KIF6: variants seen among roughly 807,000 people sequenced by gnomAD.
KIF6 encodes the protein kinesin family member 6.
In KIF6, 106 loss-of-function variants were observed where a neutral mutation model predicts 112.7. The observed-to-expected ratio is 0.94, with a 90% CI of 0.80 to 1.11. The LOEUF is 1.11. KIF6 is among the 50% of genes least tolerant of loss of function. KIF6 has a pLI of 0.00. For missense variants in KIF6, 929 were observed against 964.0 expected (o/e 0.96, Z 0.48); for synonymous variants, 339 against 339.9 (o/e 1.00, Z 0.03).
chr6:39,605,178 G>A (rs1171957246), intron 6 of KIF6, among the ~76,000 whole-genome samples: 2 of 152,114 alleles, frequency 1.3e-5, no homozygotes, highest in African/African-American at 2.4e-5. Flanking sequence ...AACCCAAAAT[G>A]TCTGCCCAAC....
chr6:39,631,889 G>A (rs1422823554), intron 5 of KIF6, among the ~76,000 whole-genome samples: 1 of 151,844 alleles, frequency 6.6e-6, no homozygotes, highest in Non-Finnish European at 1.5e-5. Flanking sequence ...AACCATCTAG[G>A]CCTAAAGATT....
chr6:39,426,807 C>G (rs1011627745), intron 14 of KIF6, among the ~76,000 whole-genome samples: 1 of 152,108 alleles, frequency 6.6e-6, no homozygotes, highest in Non-Finnish European at 1.5e-5. Flanking sequence ...ACTGTCCCCT[C>G]CTGCAACTCT....
chr6:39,706,102 C>T (rs149733628), intron 3 of KIF6, among the ~76,000 whole-genome samples: 2 of 152,304 alleles, frequency 1.3e-5, no homozygotes, highest in Non-Finnish European at 2.9e-5. Flanking sequence ...GTAATTTTCA[C>T]CCCTTGCATA....
rs1562102407 is a variant in KIF6 at position 39,337,165 on chromosome 6, TTCC to T, written c.2429-620_2429-618del. Among the ~76,000 whole-genome samples the T allele has an allele frequency of 6.8e-4, 47 of 68,800 alleles. 2 individuals carry two copies. The highest frequency in any genetic ancestry group is 4.1e-3 in the Admixed American group (32 of 7,788). The allele number at this position is 68,800 out of a possible 152,430, so 45.1% of individuals were successfully genotyped here. ...CTTCCTTTCTCTTTCTTTTCTTTCT[TTCC>T]TTCCTTCTTTCTTTCTTTCTTTCTT... On this transcript the variant is annotated intron_variant, in intron 22 of 22. Coordinates refer to ENST00000287152, the MANE Select transcript of KIF6 (RefSeq NM_145027.6).
intron 13 of KIF6, among the ~76,000 whole-genome samples, chr6:39,510,872 C>CAAAAAAAAAAAAAAAAA (rs1180631310): frequency 8.4e-5 from 2 of 23,868 alleles, no homozygotes; most frequent in Non-Finnish European, 1.5e-4. Flanking sequence ...AAATGGGAAG[C>CAAAAAAAAAAAAAAAAA]AAAAAAAAAA....
chr6:39,407,360 C>T (rs1769165415), intron 15 of KIF6, among the ~76,000 whole-genome samples: 1 of 152,128 alleles, frequency 6.6e-6, no homozygotes, highest in South Asian at 2.1e-4. Context: ...TATTAAGATG[C>T]CCCTTGATGT....
chr6:39,566,753 C>A (rs758415431), intron 10 of KIF6, among the ~76,000 whole-genome samples: 1 of 152,016 alleles, frequency 6.6e-6, no homozygotes, highest in Non-Finnish European at 1.5e-5. Context: ...TTGGTATATG[C>A]CAAGGGAGAA....
chr6:39,576,249 C>T lies in KIF6; in HGVS notation c.1181+1807G>A, dbSNP rs574278980. 7.2e-5 allele frequency among the ~76,000 whole-genome samples: 11 copies of T among 152,026 alleles called. 1 individual carries two copies. Among genetic ancestry groups the T allele is most frequent in the African/African-American group, 1.4e-4 (6 of 41,474 alleles). On this transcript the variant is annotated intron_variant, in intron 10 of 22. Coordinates refer to ENST00000287152, the MANE Select transcript of KIF6 (RefSeq NM_145027.6). ...AAGCGATTCTCCTGCCTCAGCCTCC[C>T]GAGTAGCTGGGATTACAGGCATGCA...
intron 3 of KIF6, chr6:39,691,301 C>T (rs978214141): frequency 9.2e-5 from 14 of 152,246 alleles, no homozygotes; most frequent in African/African-American, 3.1e-4. Flanking sequence ...GGAAAAGCTC[C>T]CTTATGATAA....
At chr6:39,549,258 G>T (rs775324554) in intron 10 of KIF6, among the ~76,000 whole-genome samples, 6 of 151,224 alleles carry the variant, frequency 4.0e-5, no homozygotes, top group Non-Finnish European at 7.4e-5. Flanking sequence ...GTAGCCATAT[G>T]TCCCTAAAAA....
At chr6:39,631,436 T>TA (rs1784347430) in intron 5 of KIF6, among the ~76,000 whole-genome samples, 1 of 152,144 alleles carries the variant, frequency 6.6e-6, no homozygotes, top group Non-Finnish European at 1.5e-5. Flanking sequence ...AGATGCTCTT[T>TA]AACAAACTGA....
intron 13 of KIF6, among the ~76,000 whole-genome samples, chr6:39,533,894 T>C (rs59455531): frequency 0.32 from 49,331 of 152,076 alleles, 10,200 homozygotes; most frequent in African/African-American, 0.58. Context: ...CAGCAGCACT[T>C]GCGGTTCATG....
chr6:39,580,042 G>T (rs1291375144), intron 9 of KIF6, among the ~76,000 whole-genome samples: 5 of 151,684 alleles, frequency 3.3e-5, no homozygotes, highest in Non-Finnish European at 5.9e-5. Context: ...TCTACCAAAG[G>T]CTCTCCTCAA....
Position 39,435,327 on chromosome 6 carries a change from G to A in KIF6, c.1646-4166C>T, listed in dbSNP as rs9471102. 9.2e-4 allele frequency among the ~76,000 whole-genome samples: 140 copies of A among 152,198 alleles called. 1 individual carries two copies. The highest frequency in any genetic ancestry group is 3.1e-3 in the African/African-American group (130 of 41,528). ...CATAGTTTACTTCATCTGTTAATAT[G>A]TTTTATTATTACTTCTAGAATTTGT... On this transcript the variant is annotated intron_variant, in intron 13 of 22. Transcript: ENST00000287152.
At chr6:39,660,114 C>T (rs937122687) in intron 3 of KIF6, among the ~76,000 whole-genome samples, 2 of 152,150 alleles carry the variant, frequency 1.3e-5, no homozygotes, top group Non-Finnish European at 2.9e-5. Context: ...AGTTTGAAAC[C>T]AGCCTGGGCA....
chr6:39,708,307 G>A (rs1297871960), intron 3 of KIF6, among the ~76,000 whole-genome samples: 1 of 152,146 alleles, frequency 6.6e-6, no homozygotes. Context: ...AACCTGAGAG[G>A]GTAGCGTCCC....
chr6:39,663,183 T>C (rs1423209513), intron 3 of KIF6, among the ~76,000 whole-genome samples: 1 of 152,152 alleles, frequency 6.6e-6, no homozygotes, highest in Admixed American at 6.6e-5. Flanking sequence ...TTGCTATCTT[T>C]CTGAAGATCA....
chr6:39,376,937 C>T (rs866039421), intron 16 of KIF6, among the ~76,000 whole-genome samples: 17 of 152,180 alleles, frequency 1.1e-4, no homozygotes, highest in South Asian at 6.2e-4. Flanking sequence ...CCCAAAGCTG[C>T]GCTGTTTGCA....
chr6:39,716,614 G>T (rs1441678649), intron 2 of KIF6, among the ~76,000 whole-genome samples: 1 of 152,116 alleles, frequency 6.6e-6, no homozygotes, highest in Non-Finnish European at 1.5e-5. Context: ...TCAGTCTAAT[G>T]ATTAACAGAG....
Sources: gnomAD v4.1 joint callset for allele counts (sites outside exome capture counted in the v4.1 genomes callset) on GRCh38, gnomAD v4.1.1 for gene constraint, MANE v1.5 for transcripts, NCBI Gene and HGNC (gene_info 2026-07-23, HGNC 2026-07-21) for gene names.